IPO4: variants seen among roughly 807,000 people sequenced by gnomAD.
IPO4 encodes the protein importin-4.
In IPO4, 91 loss-of-function variants were observed where a neutral mutation model predicts 133.5. The observed-to-expected ratio is 0.68, with a 90% CI of 0.58 to 0.81. IPO4 has a LOEUF of 0.81. Ranked by LOEUF, IPO4 falls within the 30% of genes least tolerant of loss-of-function variation. The pLI, the probability that IPO4 is intolerant of heterozygous loss-of-function variation, is 0.00. For synonymous variants in IPO4, 607 were observed against 581.6 expected, an observed-to-expected ratio of 1.04 and a Z score of -0.63; for missense variants, 1,279 against 1,386.2, an observed-to-expected ratio of 0.92 and a Z score of 1.23.
rs773347339 is a variant in IPO4, at chr14:24,184,931, C to A, written c.1458G>T (p.Gln486His). 6.2e-7 allele frequency: 1 copy of A among 1,614,144 alleles called. No individual in the cohort carries two copies. Among genetic ancestry groups the A allele is most frequent in the South Asian group, 1.1e-5 (1 of 91,090 alleles). Reference sequence around the variant, plus strand: ...GGGGACTGCTGGGGTTCCTCAGAAGCTGCAGCATGCATTCCATAAGCTCCG... The same window carrying A: ...GGGGACTGCTGGGGTTCCTCAGAAGATGCAGCATGCATTCCATAAGCTCCG... ...YLPELMECML[Q>H]LLRNPSSPRA... Residue 486 changes from glutamine to histidine, a missense_variant, in exon 15 of 30, where the codon CAG (glutamine) becomes CAT (histidine). This residue lies in a region of IPO4 where 695 missense variants were observed against 704.1 expected (regional missense o/e 0.99). Coordinates refer to ENST00000354464, the MANE Select transcript of IPO4 (RefSeq NM_024658.4).
At chr14:24,188,323 C>T (rs1412385259) in intron 3 of IPO4, 21 bp downstream of exon 3, 3 of 1,613,436 alleles carry the variant, frequency 1.9e-6, no homozygotes, top group Non-Finnish European at 2.5e-6. Context: ...CTGGCCCCGC[C>T]CCACCCCAGG....
rs540480468 is a variant in IPO4 at position 24,184,686 on chromosome 14, G to A, written c.1600C>T (p.Arg534Cys). 186 of 1,611,524 alleles carry A rather than the reference G, an allele frequency of 1.2e-4. 2 individuals carry two copies. The South Asian group carries it at 1.7e-3, about 15-fold the overall frequency. Reference protein sequence around the residue: ...EHLREFLLTGREDLQPVQIQS... With the variant: ...EHLREFLLTGCEDLQPVQIQS... ...ATCTGCACAGGCTGAAGGTCCTCAC[G>A]GCCTGTTAACAGGAATTCCCGCAGG... Residue 534 changes from arginine to cysteine, a missense_variant, in exon 16 of 30, where the codon CGT (arginine) becomes TGT (cysteine). Arg to Cys is a radical substitution (Grantham distance 180). Transcript: ENST00000354464.
intron 18 of IPO4, 26 bp downstream of exon 18, chr14:24,183,972 G>GGGGCGCC: frequency 5.1e-6 from 8 of 1,573,254 alleles, no homozygotes; most frequent in Non-Finnish European, 6.0e-6. Context: ...GGCAGGCCTG[G>GGGGCGCC]CCCAGCCCAC....
At position 24,184,927 on chromosome 14, in the gene IPO4, G is replaced by A; in HGVS notation, c.1462C>T (p.Leu488=). ...PELMECMLQL[L]RNPSSPRAKE... is the part of the protein sequence containing the mutation. ...GCCCGGGGACTGCTGGGGTTCCTCA[G>A]AAGCTGCAGCATGCATTCCATAAGC... The change falls in exon 15 of 30, where the codon CTG becomes TTG. Residue 488 remains leucine, a synonymous_variant. Coordinates refer to ENST00000354464, the MANE Select transcript of IPO4 (RefSeq NM_024658.4). 6.2e-7 allele frequency: 1 copy of A among 1,614,146 alleles called. No individual in the cohort carries two copies. The highest frequency in any genetic ancestry group is 8.5e-7 in the Non-Finnish European group (1 of 1,180,036).
At chr14:24,182,230 C>T (rs746081082) in intron 25 of IPO4, 48 bp downstream of exon 25, 13 of 1,613,614 alleles carry the variant, frequency 8.1e-6, no homozygotes, top group Middle Eastern at 1.6e-4. Flanking sequence ...TGGTGGGCAC[C>T]GGGTGCACGA....
rs139760782 is a variant in IPO4 at position 24,183,533 on chromosome 14, C to T, written c.2064-20G>A. On this transcript the variant is annotated intron_variant, in intron 20 of 29. Coordinates refer to ENST00000354464, the MANE Select transcript of IPO4 (RefSeq NM_024658.4). ...GCCACACTACAGAGAGAGACACAGC[C>T]GTGGGTAAGGGGCCCCCAGGCAGGG... is the stretch of plus-strand genomic sequence containing the variant. The T allele has an allele frequency of 1.1e-3, 1,740 of 1,614,068 alleles. 4 individuals are homozygous for T. Among genetic ancestry groups the T allele is most frequent in the Non-Finnish European group, 1.3e-3 (1,584 of 1,179,982 alleles).
rs575333578 is a variant in IPO4 at position 24,183,910 on chromosome 14, G to A, written c.1870-12C>T. 175 of 1,613,938 alleles carry A rather than the reference G, an allele frequency of 1.1e-4. 4 individuals carry two copies. In the South Asian group the frequency reaches 1.8e-3, roughly 17 times the overall value. On this transcript the variant is annotated splice_polypyrimidine_tract_variant and intron_variant, in intron 18 of 29. Coordinates refer to ENST00000354464, the MANE Select transcript of IPO4 (RefSeq NM_024658.4). Reference sequence around the variant, plus strand: ...CCGTCATACTGAGGCTGGAGCGGAGGCACGGCAAGGACTTTGGCTCAGCTG... The same window carrying A: ...CCGTCATACTGAGGCTGGAGCGGAGACACGGCAAGGACTTTGGCTCAGCTG...
rs751131893 is a variant in IPO4, at chr14:24,185,907, C to T, written c.1123G>A (p.Val375Met). The T allele has an allele frequency of 3.2e-5, 52 of 1,613,924 alleles. No individual in the cohort carries two copies. The highest frequency in any genetic ancestry group is 4.5e-5 in the East Asian group (2 of 44,902). The change falls in exon 12 of 30, where the codon GTG becomes ATG. Residue 375 changes from valine to methionine, a missense_variant. Val to Met is a conservative substitution (Grantham distance 21, BLOSUM62 1). This residue lies in a region of IPO4 where 695 missense variants were observed against 704.1 expected (regional missense o/e 0.99). Transcript: ENST00000354464. The part of the protein sequence containing the change: ...SPYQRKAGLL[V>M]LAVLSDGAGD... ...GCTCCGTCAGACAGCACGGCCAGCA[C>T]CAGGAGTCCAGCTTTGCGCTGGTAT...
intron 10 of IPO4, 22 bp from the exon 11 acceptor site, chr14:24,186,204 T>C (rs1284166182): frequency 3.1e-6 from 5 of 1,613,128 alleles, no homozygotes; most frequent in Non-Finnish European, 4.2e-6. Flanking sequence ...TGGGGAGACT[T>C]ACTTTGCTTG....
intron 14 of IPO4, 76 bp downstream of exon 14, chr14:24,185,107 G>C: frequency 6.3e-7 from 1 of 1,592,390 alleles, no homozygotes; most frequent in African/African-American, 1.3e-5. Context: ...GCAATGCAGG[G>C]AGATGCACAT....
intron 24 of IPO4, 161 bp downstream of exon 24, chr14:24,182,629 ACT>A: frequency 1.0e-6 from 1 of 960,334 alleles, no homozygotes; most frequent in Non-Finnish European, 1.7e-6. Context: ...CCTTCCCTGA[ACT>A]CCCACTGGCT....
At chr14:24,180,662 G>A in intron 29 of IPO4, 27 bp downstream of exon 29, 6 of 1,613,760 alleles carry the variant, frequency 3.7e-6, no homozygotes, top group Non-Finnish European at 3.4e-6. Flanking sequence ...CCTCCCGCAA[G>A]CCCCTGCCTA....
chr14:24,182,946 TC>T (rs1244266234), intron 23 of IPO4, 29 bp downstream of exon 23: 1 of 1,613,284 alleles, frequency 6.2e-7, no homozygotes, highest in Admixed American at 1.7e-5. Context: ...CCAGCACCTC[TC>T]CTTCCCGAAG....
At position 24,183,613 on chromosome 14, in the gene IPO4, C is replaced by G. The variant is rs1401385709; in HGVS notation, c.2040G>C (p.Val680=). Residue 680 remains valine, a synonymous_variant, in exon 20 of 30, where the codon GTG becomes GTC. Coordinates refer to ENST00000354464, the MANE Select transcript of IPO4 (RefSeq NM_024658.4). ...FDEKEDTCAA[V]GEISVNTSVA... is the part of the protein sequence containing the mutation. ...ACCTGGTGTTCACAGAGATCTCCCC[C>G]ACGGCAGCACAGGTGTCTTCCTTCT... The G allele has an allele frequency of 5.0e-6, 8 of 1,614,166 alleles. No homozygotes were observed. The East Asian group carries it at 8.9e-5, about 18-fold the overall frequency.
At chr14:24,182,699 C>T in intron 24 of IPO4, 93 bp downstream of exon 24, 3 of 1,416,512 alleles carry the variant, frequency 2.1e-6, no homozygotes, top group Non-Finnish European at 3.0e-6. Flanking sequence ...GTGGCCCTGG[C>T]TGCCCCAGGC....
Position 24,182,964 on chromosome 14 carries a change from TG to T in IPO4, c.2421+11del. 6.2e-7 allele frequency: 1 copy of T among 1,613,172 alleles called. No individual in the cohort carries two copies. Among genetic ancestry groups the T allele is most frequent in the Middle Eastern group, 1.7e-4 (1 of 6,060 alleles). On this transcript the variant is annotated intron_variant, in intron 23 of 29. Coordinates refer to ENST00000354464, the MANE Select transcript of IPO4 (RefSeq NM_024658.4). ...GCACCTCTCCTTCCCGAAGCCCACC[TG>T]CCCTGCTCACCTTCCTCTGCAGCAC...
rs775453413 is a variant in IPO4, at chr14:24,183,351, G to A, written c.2126C>T (p.Pro709Leu). 2 of 1,608,278 alleles carry A rather than the reference G, an allele frequency of 1.2e-6. No individual in the cohort carries two copies. The highest frequency in any genetic ancestry group is 2.2e-5 in the South Asian group (2 of 90,052). Reference sequence around the variant, plus strand: ...GGCTGCCTTCCGCACATTCAGGTGAGGGCACTGCAGGATGAGGAGGGGCGG... The same window carrying A: ...GGCTGCCTTCCGCACATTCAGGTGAAGGCACTGCAGGATGAGGAGGGGCGG... The part of the protein sequence containing the change: ...FEEVFKLLEC[P>L]HLNVRKAAHE... The change falls in exon 22 of 30, where the codon CCT becomes CTT. Residue 709 changes from proline (P) to leucine (L), a missense_variant. Around this residue, in one of 3 missense-constraint regions of IPO4, gnomAD observed 575 missense variants for 653.4 expected, o/e 0.88. Coordinates refer to ENST00000354464, the MANE Select transcript of IPO4 (RefSeq NM_024658.4).
intron 13 of IPO4, 73 bp downstream of exon 13, chr14:24,185,386 G>A: frequency 6.2e-7 from 1 of 1,611,728 alleles, no homozygotes; most frequent in South Asian, 1.1e-5. Context: ...ATGGCAGCAG[G>A]GATGCTTGAA....
At position 24,187,136 on chromosome 14, in the gene IPO4, C is replaced by T. The variant is rs754030311; in HGVS notation, c.603G>A (p.Met201Ile). 9 of 1,613,732 alleles carry T rather than the reference C, an allele frequency of 5.6e-6. No individual in the cohort carries two copies. In the African/African-American group the frequency reaches 8.0e-5, roughly 14 times the overall value. ...LSTEDVPLAR[M>I]LVPKLIMAMQ... ...TGGCCATGATCAGCTTGGGCACCAA[C>T]ATCCGAGCGAGAGGCTGAGGGACAC... Residue 201 changes from methionine to isoleucine, a missense_variant, in exon 7 of 30, where the codon ATG becomes ATA. Physicochemically the swap from Met to Ile is conservative, Grantham distance 10. Around this residue, in one of 3 missense-constraint regions of IPO4, gnomAD observed 695 missense variants for 704.1 expected, o/e 0.99. Transcript: ENST00000354464.
Sources: allele counts gnomAD v4.1 joint callset, GRCh38; gene constraint gnomAD v4.1.1; regional missense constraint gnomAD v4.1.1; transcripts MANE v1.5; gene names NCBI Gene and HGNC (gene_info 2026-07-23, HGNC 2026-07-21).